Variants in ACOXL observed in about 807,000 individuals in gnomAD.
ACOXL encodes acyl-coenzyme A oxidase-like protein.
ACOXL carries 70 observed loss-of-function variants against 71.9 expected under a neutral mutation model. The observed-to-expected ratio is 0.97, with a 90% CI of 0.80 to 1.19. ACOXL has a LOEUF of 1.19. ACOXL is among the 50% of genes most tolerant of loss of function. The probability of loss-of-function intolerance (pLI) is 0.00; values close to 1 mark genes in which losing one functional copy is unlikely to be tolerated. For missense variants in ACOXL, 703 were observed against 736.3 expected (o/e 0.95, Z 0.52); for synonymous variants, 253 against 281.6 (o/e 0.90, Z 1.02).
chr2:111,026,970 C>T (rs2065042600), intron 14 of ACOXL, among the ~76,000 whole-genome samples: 1 of 152,040 alleles, frequency 6.6e-6, no homozygotes, highest in Non-Finnish European at 1.5e-5. Flanking sequence ...GATCATGGCT[C>T]ACTGCACCTT....
chr2:110,750,646 CAT>C (rs918424499), intron 1 of ACOXL, among the ~76,000 whole-genome samples: 82 of 148,748 alleles, frequency 5.5e-4, no homozygotes, highest in African/African-American at 1.9e-3. Context: ...AACAAATACA[CAT>C]ATATTTGTGT....
chr2:111,107,899 C>A (rs2069658286), intron 17 of ACOXL, among the ~76,000 whole-genome samples: 2 of 152,266 alleles, frequency 1.3e-5, no homozygotes, highest in Middle Eastern at 3.4e-3. Context: ...TTTTTGAGCC[C>A]CATTTGATTA....
chr2:111,001,552 A>G (rs1574446202), intron 14 of ACOXL, among the ~76,000 whole-genome samples: 1 of 152,218 alleles, frequency 6.6e-6, no homozygotes, highest in Non-Finnish European at 1.5e-5. Flanking sequence ...CTGTGCCCTT[A>G]TTAAGGAACT....
intron 12 of ACOXL, among the ~76,000 whole-genome samples, chr2:110,977,497 A>T (rs2062505009): frequency 6.6e-6 from 1 of 152,222 alleles, no homozygotes; most frequent in Admixed American, 6.5e-5. Context: ...CAAGAGAACA[A>T]ACCAACTCAT....
chr2:110,976,042 C>CA (rs766214999), intron 12 of ACOXL, among the ~76,000 whole-genome samples: 5 of 151,784 alleles, frequency 3.3e-5, no homozygotes, highest in Admixed American at 6.6e-5. Context: ...TGAAGAAAGG[C>CA]AAAAAAAGTC....
chr2:110,835,734 G>A (rs1163146882), intron 9 of ACOXL, among the ~76,000 whole-genome samples: 2 of 152,188 alleles, frequency 1.3e-5, no homozygotes, highest in African/African-American at 4.8e-5. Context: ...TACCACGCAG[G>A]TTGCTCAGTT....
chr2:111,000,268 T>A (rs1285165565), intron 14 of ACOXL, among the ~76,000 whole-genome samples: 6 of 152,182 alleles, frequency 3.9e-5, no homozygotes. Flanking sequence ...TGAAGTTATG[T>A]GGAAAGTAGA....
intron 10 of ACOXL, chr2:110,888,046 T>C (rs565123340): frequency 6.6e-6 from 1 of 152,352 alleles, no homozygotes; most frequent in South Asian, 2.1e-4. Flanking sequence ...ATATTTAGTG[T>C]AGTTTTAATG....
At chr2:111,045,170 G>A (rs921570412) in intron 15 of ACOXL, among the ~76,000 whole-genome samples, 1 of 152,208 alleles carries the variant, frequency 6.6e-6, no homozygotes, top group Non-Finnish European at 1.5e-5. Flanking sequence ...GGGAGACTTT[G>A]CATTTTGTTG....
At chr2:111,104,901 A>T (rs533732206) in intron 17 of ACOXL, among the ~76,000 whole-genome samples, 28 of 152,166 alleles carry the variant, frequency 1.8e-4, no homozygotes, top group Non-Finnish European at 3.5e-4. Flanking sequence ...CTTTTCACCT[A>T]TTCCTAGATC....
At chr2:110,864,854 G>A (rs934120514) in intron 10 of ACOXL, among the ~76,000 whole-genome samples, 3 of 152,180 alleles carry the variant, frequency 2.0e-5, no homozygotes, top group Non-Finnish European at 2.9e-5. Flanking sequence ...GAGCAGCCTC[G>A]TATCCAGGCT....
chr2:111,037,106 T>A (rs2065552542), intron 15 of ACOXL, among the ~76,000 whole-genome samples: 1 of 152,090 alleles, frequency 6.6e-6, no homozygotes, highest in Non-Finnish European at 1.5e-5. Context: ...TGTGAAAAGC[T>A]CTCCTCTGAC....
intron 9 of ACOXL, among the ~76,000 whole-genome samples, chr2:110,840,171 A>G (rs1299299771): frequency 6.6e-6 from 1 of 152,066 alleles, no homozygotes; most frequent in Non-Finnish European, 1.5e-5. Context: ...TTTGTATTTT[A>G]GTAGAAATGG....
chr2:110,880,979 A>G (rs1313711767), intron 10 of ACOXL, among the ~76,000 whole-genome samples: 1 of 152,194 alleles, frequency 6.6e-6, no homozygotes, highest in Non-Finnish European at 1.5e-5. Flanking sequence ...ATGTGGGACT[A>G]CACAAATATC....
At chr2:110,982,333 G>A (rs554351933) in intron 12 of ACOXL, among the ~76,000 whole-genome samples, 7 of 151,894 alleles carry the variant, frequency 4.6e-5, no homozygotes, top group African/African-American at 9.7e-5. Flanking sequence ...TAGTCCTTCC[G>A]CTTCCCTTTG....
intron 16 of ACOXL, among the ~76,000 whole-genome samples, chr2:111,067,709 A>G (rs1304860790): frequency 1.3e-5 from 2 of 152,252 alleles, no homozygotes; most frequent in African/African-American, 4.8e-5. Context: ...TGCTGGAAAA[A>G]ATGGAAAATC....
At chr2:110,954,541 A>C (rs974681782) in intron 12 of ACOXL, among the ~76,000 whole-genome samples, 5 of 152,140 alleles carry the variant, frequency 3.3e-5, no homozygotes, top group Admixed American at 6.5e-5. Flanking sequence ...TTAACTTACG[A>C]AGTCTGAAGT....
intron 12 of ACOXL, among the ~76,000 whole-genome samples, chr2:110,957,089 G>A (rs763328348): frequency 6.6e-6 from 1 of 151,910 alleles, no homozygotes; most frequent in African/African-American, 2.4e-5. Context: ...TCCTGCTTAG[G>A]AATAAAGTAA....
chr2:111,010,006 T>G (rs780699269), intron 14 of ACOXL, among the ~76,000 whole-genome samples: 3 of 152,252 alleles, frequency 2.0e-5, no homozygotes, highest in Middle Eastern at 3.4e-3. Context: ...CAATACCCTT[T>G]AGAGGAAGTC....
Sources: allele counts gnomAD v4.1 joint callset (sites outside exome capture counted in the v4.1 genomes callset), GRCh38; gene constraint gnomAD v4.1.1; transcripts MANE v1.5; gene names NCBI Gene and HGNC (gene_info 2026-07-23, HGNC 2026-07-21).